Variants in AK2 observed in about 807,000 individuals in gnomAD.
The protein encoded by AK2 is adenylate kinase 2.
Under a neutral mutation model 24.6 loss-of-function variants are expected in AK2, and 15 were observed. The ratio of observed to expected loss-of-function variants is 0.61; its 90% CI spans 0.41 to 0.94. The LOEUF (loss-of-function observed/expected upper bound fraction) is 0.94. AK2 is among the 40% of genes least tolerant of loss of function. AK2 has a pLI of 0.00. For missense variants in AK2, 257 were observed against 304.1 expected (o/e 0.85, Z 1.15); for synonymous variants, 102 against 114.0 (o/e 0.90, Z 0.67).
chr1:33,030,392 A>AT (rs113764416), intron 1 of AK2, among the ~76,000 whole-genome samples: 75 of 147,588 alleles, frequency 5.1e-4, no homozygotes, highest in South Asian at 3.9e-3. Flanking sequence ...CCATTTCTAC[A>AT]TTTTTTTTTT....
At chr1:33,024,618 A>G in intron 1 of AK2, 51 bp from the exon 2 acceptor site, 1 of 1,612,488 alleles carries the variant, frequency 6.2e-7, no homozygotes, top group South Asian at 1.1e-5. Flanking sequence ...CAGGCTGTGG[A>G]GTCAGACTGC....
intron 4 of AK2, among the ~76,000 whole-genome samples, chr1:33,017,072 T>C (rs1276267554): frequency 6.6e-6 from 1 of 152,222 alleles, no homozygotes; most frequent in African/African-American, 2.4e-5. Flanking sequence ...TTGCATACTT[T>C]AAATCACCTC....
chr1:33,035,411 A>G (rs955259939), intron 1 of AK2, among the ~76,000 whole-genome samples: 1 of 152,216 alleles, frequency 6.6e-6, no homozygotes, highest in South Asian at 2.1e-4. Context: ...CACAAGGGGT[A>G]CCAAGAATGA....
intron 4 of AK2, 148 bp downstream of exon 4, chr1:33,021,219 C>CA (rs1639529798): frequency 2.6e-6 from 2 of 756,554 alleles, no homozygotes; most frequent in Admixed American, 3.8e-5. Context: ...ATCCCGATCC[C>CA]ATCTCACCAC....
At chr1:33,028,737 G>C (rs569505147) in intron 1 of AK2, among the ~76,000 whole-genome samples, 1 of 152,252 alleles carries the variant, frequency 6.6e-6, no homozygotes, top group East Asian at 1.9e-4. Context: ...AGGACTCTGG[G>C]GTAATTATGG....
intron 1 of AK2, among the ~76,000 whole-genome samples, chr1:33,027,747 C>CA (rs1157782051): frequency 0.024 from 1,508 of 61,748 alleles, 20 homozygotes; most frequent in African/African-American, 0.069. Context: ...ACTCTTGTCT[C>CA]AAAAAAAAAA....
chr1:33,024,215 A>T (rs1204910163), intron 2 of AK2: 2 of 603,486 alleles, frequency 3.3e-6, no homozygotes, highest in Non-Finnish European at 5.8e-6. Context: ...GTTTGTTAAA[A>T]CACCCTCTAG....
At chr1:33,021,304 G>A (rs1366081862) in intron 4 of AK2, 63 bp downstream of exon 4, 1 of 1,408,600 alleles carries the variant, frequency 7.1e-7, no homozygotes, top group Non-Finnish European at 1.0e-6. Context: ...TTAGGCAAGA[G>A]CAATTCTCAG....
chr1:33,033,699 G>A (rs1338568671), intron 1 of AK2, among the ~76,000 whole-genome samples: 1 of 152,068 alleles, frequency 6.6e-6, no homozygotes, highest in Non-Finnish European at 1.5e-5. Flanking sequence ...ATTTGTGAAG[G>A]GAGAATGGCT....
At chr1:33,014,804 A>C (rs1282717630) in intron 4 of AK2, among the ~76,000 whole-genome samples, 1 of 152,222 alleles carries the variant, frequency 6.6e-6, no homozygotes, top group Non-Finnish European at 1.5e-5. Flanking sequence ...CATTATTATG[A>C]GTATCTGGCT....
In AK2 at chr1:33,011,639, G is replaced by A. The variant is rs1304181854; in HGVS notation, c.*1542C>T. The A allele has an allele frequency of 8.5e-6, 11 of 1,292,320 alleles. No homozygotes were observed. The highest frequency in any genetic ancestry group is 1.0e-5 in the Non-Finnish European group (10 of 992,422). 80.1% of individuals were successfully genotyped at this position (1,292,320 alleles called of 1,614,324 possible). A position where few individuals can be genotyped will look rare whatever the true frequency, so the allele number is the denominator to read the frequency against. The stretch of plus-strand genomic sequence containing the variant: ...GCTGGCGATATTATTTACTGGATCT[G>A]CCACTGACTTTCTAATGGTTTTTCC... On this transcript the variant is annotated 3_prime_UTR_variant, in exon 6 of 6. Transcript: ENST00000672715.
intron 1 of AK2, among the ~76,000 whole-genome samples, chr1:33,034,027 CCAT>C (rs1288830863): frequency 1.3e-5 from 2 of 152,146 alleles, no homozygotes; most frequent in Non-Finnish European, 2.9e-5. Context: ...GCACACACCA[CCAT>C]GCCTGGCTAA....
At position 33,012,955 on chromosome 1, in the gene AK2, A is replaced by C. The variant is rs765758355; in HGVS notation, c.*226T>G. The C allele has an allele frequency of 6.5e-7, 1 of 1,547,508 alleles. No homozygotes were observed. Among genetic ancestry groups the C allele is most frequent in the Non-Finnish European group, 8.7e-7 (1 of 1,149,760 alleles). On this transcript the variant is annotated 3_prime_UTR_variant, in exon 6 of 6. Coordinates refer to ENST00000672715, the MANE Select transcript of AK2 (RefSeq NM_001625.4). ...TAAAGCAACCTAGCCTAAAACTTAC[A>C]AAGTAGCAGAGTGAACACATATGTG...
Position 33,008,366 on chromosome 1 carries a change from C to T in AK2, c.*4815G>A, listed in dbSNP as rs776521906. ...TTCATCTGAGGAAAGACTTGTGAGGCTTCTGAGGAGGCTGCTCTCCATCCT... is the reference window on the plus strand; with the variant it reads ...TTCATCTGAGGAAAGACTTGTGAGGTTTCTGAGGAGGCTGCTCTCCATCCT... On this transcript the variant is annotated 3_prime_UTR_variant, in exon 6 of 6. Coordinates refer to ENST00000672715, the MANE Select transcript of AK2 (RefSeq NM_001625.4). The T allele has an allele frequency of 6.6e-6, 3 of 453,976 alleles. No individual in the cohort carries two copies. In the East Asian group the frequency reaches 2.1e-4, roughly 32 times the overall value. 28.1% of individuals were successfully genotyped at this position (453,976 alleles called of 1,614,324 possible).
chr1:33,009,119 C>G lies in AK2; in HGVS notation c.*4062G>C, dbSNP rs1455460640. The G allele has an allele frequency of 2.2e-6, 1 of 453,110 alleles. No individual in the cohort carries two copies. 28.1% of individuals were successfully genotyped at this position (453,110 alleles called of 1,614,324 possible). ...AAGAGGGAGGGGCTGGTTCAGGGAA[C>G]AGGATTTAATATGTCAGTGAAGACC... On this transcript the variant is annotated 3_prime_UTR_variant, in exon 6 of 6. Transcript: ENST00000672715.
intron 4 of AK2, among the ~76,000 whole-genome samples, chr1:33,014,931 T>C (rs916567630): frequency 2.0e-5 from 3 of 152,194 alleles, no homozygotes; most frequent in African/African-American, 7.2e-5. Flanking sequence ...CATTAATAAG[T>C]ATTCCATTCA....
At chr1:33,023,960 C>A (rs899308661) in intron 2 of AK2, among the ~76,000 whole-genome samples, 1 of 152,162 alleles carries the variant, frequency 6.6e-6, no homozygotes, top group African/African-American at 2.4e-5. Context: ...CACCTGAGGT[C>A]AGGAGTTTGA....
At chr1:33,026,824 A>G (rs1361421058) in intron 1 of AK2, among the ~76,000 whole-genome samples, 3 of 150,552 alleles carry the variant, frequency 2.0e-5, no homozygotes, top group African/African-American at 7.3e-5. Context: ...AACAGCAACA[A>G]AAAAAAACTC....
rs754301848 is a variant in AK2, at chr1:33,010,840, TAGAG to T, written c.*2337_*2340del. On this transcript the variant is annotated 3_prime_UTR_variant, in exon 6 of 6. Transcript: ENST00000672715. ...CTGGCCTTCTGATACTAGGCTGAAATAGAGAGGAAACAAGAGAGAACAAAATGGG... is the reference window on the plus strand; with the variant it reads ...CTGGCCTTCTGATACTAGGCTGAAATAGGAAACAAGAGAGAACAAAATGGG... 1 of 1,453,996 alleles carries T rather than the reference TAGAG, an allele frequency of 6.9e-7. No homozygotes were observed. Among genetic ancestry groups the T allele is most frequent in the South Asian group, 1.2e-5 (1 of 86,806 alleles). The allele number at this position is 1,453,996 out of a possible 1,614,324, so 90.1% of individuals were successfully genotyped here.
Sources: allele counts gnomAD v4.1 joint callset (sites outside exome capture counted in the v4.1 genomes callset), GRCh38; gene constraint gnomAD v4.1.1; transcripts MANE v1.5; gene names NCBI Gene and HGNC (gene_info 2026-07-23, HGNC 2026-07-21).